Variants in MAS1 observed in about 807,000 individuals in gnomAD.
MAS1 encodes proto-oncogene Mas.
For missense variants in MAS1, 387 were observed against 409.7 expected (o/e 0.94, Z 0.48); for synonymous variants, 163 against 164.2 (o/e 0.99, Z 0.05).
chr6:159,914,008 A>G lies in MAS1; in HGVS notation c.*6075A>G, dbSNP rs1265250470. The G allele has an allele frequency of 6.6e-6, 1 of 152,256 alleles. No individual in the cohort carries two copies. The highest frequency in any genetic ancestry group is 1.5e-5 in the Non-Finnish European group (1 of 68,048). The allele number at this position is 152,256 out of a possible 1,614,324, so 9.4% of individuals were successfully genotyped here. A position where few individuals can be genotyped will look rare whatever the true frequency, so the allele number is the denominator to read the frequency against. ...CAGAGTGACTTACAGATCTTACCCA[A>G]CATGAAACTAATGATTCAAATGATA... On this transcript the variant is annotated 3_prime_UTR_variant, in exon 3 of 3. Coordinates refer to ENST00000674077, the MANE Select transcript of MAS1 (RefSeq NM_002377.4).
At chr6:159,896,046 C>T (rs915641609) in intron 1 of MAS1, among the ~76,000 whole-genome samples, 3 of 152,224 alleles carry the variant, frequency 2.0e-5, no homozygotes, top group Admixed American at 1.3e-4. Flanking sequence ...CAGAGGCTCA[C>T]GCCTGTAATC....
intron 1 of MAS1, among the ~76,000 whole-genome samples, chr6:159,897,117 G>T (rs1319840407): frequency 3.3e-5 from 5 of 151,946 alleles, no homozygotes; most frequent in Non-Finnish European, 5.9e-5. Flanking sequence ...CTTGTGATCC[G>T]CCCGCCTCGG....
intron 1 of MAS1, among the ~76,000 whole-genome samples, chr6:159,898,517 CTCCTTCT>C (rs1231651660): frequency 4.0e-5 from 6 of 148,452 alleles, no homozygotes; most frequent in African/African-American, 1.2e-4. Context: ...CCTCCTCCTC[CTCCTTCT>C]TCCTCCTCCT....
At chr6:159,891,940 T>C (rs1045411940) in intron 1 of MAS1, among the ~76,000 whole-genome samples, 2 of 152,146 alleles carry the variant, frequency 1.3e-5, no homozygotes, top group African/African-American at 4.8e-5. Context: ...TCTTGTATAT[T>C]ATAGGATGTT....
At chr6:159,892,387 G>A (rs755230396) in intron 1 of MAS1, among the ~76,000 whole-genome samples, 9 of 152,114 alleles carry the variant, frequency 5.9e-5, no homozygotes, top group Non-Finnish European at 7.4e-5. Context: ...AACAACAGGC[G>A]CTTTCAGATG....
rs918219646 is a variant in MAS1 at position 159,912,908 on chromosome 6, G to C, written c.*4975G>C. On this transcript the variant is annotated 3_prime_UTR_variant, in exon 3 of 3. Transcript: ENST00000674077. Reference sequence around the variant, plus strand: ...TAGACCGGTTAGCAGCTGAATCAGAGGTAAATAAACAAGGATGATGATGAG... The same window carrying C: ...TAGACCGGTTAGCAGCTGAATCAGACGTAAATAAACAAGGATGATGATGAG... 3 of 152,152 alleles carry C rather than the reference G, an allele frequency of 2.0e-5. No homozygotes were observed. Among genetic ancestry groups the C allele is most frequent in the African/African-American group, 7.2e-5 (3 of 41,432 alleles). 9.4% of individuals were successfully genotyped at this position (152,152 alleles called of 1,614,324 possible). A position where few individuals can be genotyped will look rare whatever the true frequency, so the allele number is the denominator to read the frequency against.
chr6:159,889,562 C>T (rs1782674931), upstream of MAS1, among the ~76,000 whole-genome samples: 1 of 152,218 alleles, frequency 6.6e-6, no homozygotes, highest in Admixed American at 6.5e-5. Flanking sequence ...TGGGTCTGAT[C>T]CTTTCCCACC....
chr6:159,891,973 C>T (rs752650920), intron 1 of MAS1, among the ~76,000 whole-genome samples: 1 of 152,132 alleles, frequency 6.6e-6, no homozygotes, highest in Non-Finnish European at 1.5e-5. Flanking sequence ...TGGCCTCTAC[C>T]AACTAGATAC....
rs74811421 is a variant in MAS1, at chr6:159,913,742, T to A, written c.*5809T>A. ...TTGGGGTCTCATTTGCTTAAAATTATTGGCATGTTGTTGAAATTATAATGA... is the reference window on the plus strand; with the variant it reads ...TTGGGGTCTCATTTGCTTAAAATTAATGGCATGTTGTTGAAATTATAATGA... On this transcript the variant is annotated 3_prime_UTR_variant, in exon 3 of 3. Coordinates refer to ENST00000674077, the MANE Select transcript of MAS1 (RefSeq NM_002377.4). The A allele has an allele frequency of 2.0e-3, 301 of 152,350 alleles. 1 individual carries two copies. Among genetic ancestry groups the A allele is most frequent in the African/African-American group, 6.6e-3 (276 of 41,576 alleles). 9.4% of individuals were successfully genotyped at this position (152,350 alleles called of 1,614,324 possible).
At chr6:159,898,488 G>GCCTCCTCCT (rs1160022568) in intron 1 of MAS1, among the ~76,000 whole-genome samples, 1 of 123,640 alleles carries the variant, frequency 8.1e-6, no homozygotes, top group African/African-American at 3.2e-5. Context: ...GTGATTTCCA[G>GCCTCCTCCT]ACTCCTCCTC....
At position 159,907,101 on chromosome 6, in the gene MAS1, A is replaced by G; in HGVS notation, c.146A>G (p.Glu49Gly). ...IMSISPVGFV[E>G]NGILLWFLCF... ...AGCATCTCCCCAGTGGGGTTTGTTG[A>G]GAATGGGATTCTCCTCTGGTTCCTG... The change falls in exon 3 of 3, where the codon GAG (glutamate) becomes GGG (glycine). Residue 49 changes from glutamate (E) to glycine (G), a missense_variant. Glu to Gly is a moderately conservative substitution (Grantham distance 98). Coordinates refer to ENST00000674077, the MANE Select transcript of MAS1 (RefSeq NM_002377.4). The G allele has an allele frequency of 6.2e-7, 1 of 1,614,184 alleles. No homozygotes were observed. The highest frequency in any genetic ancestry group is 8.5e-7 in the Non-Finnish European group (1 of 1,180,020).
rs1783037529 is a variant in MAS1, at chr6:159,917,150, G to A, written c.*9217G>A. The stretch of plus-strand genomic sequence containing the variant: ...CCATTTGACAATCCTGACCTCGGTG[G>A]TGGCAAATCTTCCTTGTTTCCTGGT... On this transcript the variant is annotated 3_prime_UTR_variant, in exon 3 of 3. Transcript: ENST00000674077. Among the ~76,000 whole-genome samples the A allele has an allele frequency of 6.6e-6, 1 of 152,210 alleles. No individual in the cohort carries two copies. The highest frequency in any genetic ancestry group is 2.1e-4 in the South Asian group (1 of 4,832).
intron 2 of MAS1, among the ~76,000 whole-genome samples, chr6:159,899,780 G>T (rs1782801845): frequency 6.6e-6 from 1 of 152,194 alleles, no homozygotes; most frequent in Non-Finnish European, 1.5e-5. Context: ...GGGCGCGGTA[G>T]CTCATGCCTG....
Position 159,908,966 on chromosome 6 carries a change from T to G in MAS1, c.*1033T>G, listed in dbSNP as rs1352604737. ...GGTCTCTGCACCTGTCTGCCTCCTC[T>G]CCTCCTGAGGCTTTTTTTTTTTTTT... On this transcript the variant is annotated 3_prime_UTR_variant, in exon 3 of 3. Transcript: ENST00000674077. 1 of 149,116 alleles carries G rather than the reference T, an allele frequency of 6.7e-6. No homozygotes were observed. The highest frequency in any genetic ancestry group is 2.1e-4 in the South Asian group (1 of 4,728). 9.2% of individuals were successfully genotyped at this position (149,116 alleles called of 1,614,324 possible).
At chr6:159,899,600 A>G (rs1250743906) in intron 2 of MAS1, among the ~76,000 whole-genome samples, 1 of 152,072 alleles carries the variant, frequency 6.6e-6, no homozygotes, top group Non-Finnish European at 1.5e-5. Context: ...ATTAGCTGTC[A>G]TGGTCGTGAG....
At chr6:159,889,470 C>T (rs1050561943), upstream of MAS1, among the ~76,000 whole-genome samples, 1 of 152,174 alleles carries the variant, frequency 6.6e-6, no homozygotes, top group Admixed American at 6.5e-5. Context: ...TCCCTCATTT[C>T]CTTCGGGATC....
chr6:159,895,001 C>G (rs1782739326), intron 1 of MAS1, among the ~76,000 whole-genome samples: 1 of 152,186 alleles, frequency 6.6e-6, no homozygotes, highest in African/African-American at 2.4e-5. Flanking sequence ...TAAGATCCAT[C>G]CTTTGATAAA....
At chr6:159,890,722 G>T (rs1782688161), upstream of MAS1, among the ~76,000 whole-genome samples, 1 of 152,192 alleles carries the variant, frequency 6.6e-6, no homozygotes, top group Non-Finnish European at 1.5e-5. Flanking sequence ...AATTTGAGAT[G>T]GTTCTGTCTT....
rs1380810400 is a variant in MAS1 at position 159,914,815 on chromosome 6, G to A, written c.*6882G>A. The A allele has an allele frequency of 6.6e-6, 1 of 152,288 alleles. No homozygotes were observed. The highest frequency in any genetic ancestry group is 1.5e-5 in the Non-Finnish European group (1 of 68,084). The allele number at this position is 152,288 out of a possible 1,614,324, so 9.4% of individuals were successfully genotyped here. A position where few individuals can be genotyped will look rare whatever the true frequency, so the allele number is the denominator to read the frequency against. On this transcript the variant is annotated 3_prime_UTR_variant, in exon 3 of 3. Transcript: ENST00000674077. The stretch of plus-strand genomic sequence containing the variant: ...GGGGCCAGAGTGGGTGTCCCATGAA[G>A]ATGACCAGATCAGTGGGGAGATAAA...
Sources: gnomAD v4.1 joint callset for allele counts (sites outside exome capture counted in the v4.1 genomes callset) on GRCh38, gnomAD v4.1.1 for gene constraint, MANE v1.5 for transcripts, NCBI Gene and HGNC (gene_info 2026-07-23, HGNC 2026-07-21) for gene names.